PPP1R16B: variants seen among roughly 807,000 people sequenced by gnomAD.
PPP1R16B encodes the protein protein phosphatase 1 regulatory inhibitor subunit 16B.
Under a neutral mutation model 61.7 loss-of-function variants are expected in PPP1R16B, and 14 were observed. That is an observed-to-expected ratio of 0.23 (90% CI 0.15 to 0.35). The LOEUF (loss-of-function observed/expected upper bound fraction) is 0.35, where lower values mean the gene tolerates loss of function less well. PPP1R16B is among the 10% of genes least tolerant of loss of function. The probability of loss-of-function intolerance (pLI) is 1.00; values close to 1 mark genes in which losing one functional copy is unlikely to be tolerated. For synonymous variants in PPP1R16B, 266 were observed against 305.3 expected (o/e 0.87, Z 1.34); for missense variants, 547 against 752.5 (o/e 0.73, Z 3.19).
chr20:38,894,657 T>G (rs1289833838), intron 3 of PPP1R16B, among the ~76,000 whole-genome samples: 2 of 152,208 alleles, frequency 1.3e-5, no homozygotes, highest in Non-Finnish European at 2.9e-5. Context: ...CCTGCTGGCT[T>G]TCGCAGAGGT....
chr20:38,897,616 C>A (rs981798475), intron 4 of PPP1R16B, among the ~76,000 whole-genome samples: 1 of 152,188 alleles, frequency 6.6e-6, no homozygotes, highest in Non-Finnish European at 1.5e-5. Context: ...TGGTTATACA[C>A]CCAGAAGTGG....
chr20:38,906,141 C>T (rs2085439947), intron 7 of PPP1R16B, 47 bp downstream of exon 7: 2 of 1,570,058 alleles, frequency 1.3e-6, no homozygotes, highest in African/African-American at 1.4e-5. Context: ...ACAGGGCTAA[C>T]CTGCTGACAC....
chr20:38,891,300 C>A (rs1238667151), intron 3 of PPP1R16B, among the ~76,000 whole-genome samples: 1 of 152,164 alleles, frequency 6.6e-6, no homozygotes, highest in African/African-American at 2.4e-5. Context: ...GTTTCCTCAT[C>A]TCTAAAAGAG....
chr20:38,835,424 G>C (rs190208141), intron 1 of PPP1R16B, among the ~76,000 whole-genome samples: 192 of 152,268 alleles, frequency 1.3e-3, no homozygotes, highest in Non-Finnish European at 2.3e-3. Context: ...AAAATGGCAT[G>C]GTTCTTGTTA....
At chr20:38,869,181 G>C (rs1446313699) in intron 2 of PPP1R16B, among the ~76,000 whole-genome samples, 1 of 150,970 alleles carries the variant, frequency 6.6e-6, no homozygotes, top group Non-Finnish European at 1.5e-5. Context: ...TTATTTTTGA[G>C]ACAGTCTTGA....
intron 2 of PPP1R16B, 53 bp downstream of exon 2, chr20:38,836,228 G>A (rs1030196123): frequency 6.4e-7 from 1 of 1,566,428 alleles, no homozygotes; most frequent in Non-Finnish European, 8.6e-7. Context: ...CTCTGATCAG[G>A]GTTTGGAATC....
intron 2 of PPP1R16B, among the ~76,000 whole-genome samples, chr20:38,874,706 GGCTGC>G (rs1939006186): frequency 2.0e-5 from 3 of 152,142 alleles, no homozygotes; most frequent in Non-Finnish European, 4.4e-5. Context: ...GAAGGCTTTG[GGCTGC>G]ATGCAGATCC....
chr20:38,810,201 G>C (rs2084691481), intron 1 of PPP1R16B, among the ~76,000 whole-genome samples: 1 of 152,222 alleles, frequency 6.6e-6, no homozygotes, highest in African/African-American at 2.4e-5. Flanking sequence ...CATGTGCAGA[G>C]GCACCGAGGC....
rs1225071451 is a variant in PPP1R16B at position 38,904,282 on chromosome 20, A to G, written c.696+1490A>G. ...GTCATTGGGTCCTCTAGACACAGGG[A>G]TCTTCTCTACCTGGGCTGGGGCTGG... On this transcript the variant is annotated intron_variant, in intron 6 of 10. Transcript: ENST00000299824. 2.0e-5 allele frequency among the ~76,000 whole-genome samples: 3 copies of G among 152,142 alleles called. No homozygotes were observed. The East Asian group carries it at 5.8e-4, about 29-fold the overall frequency.
intron 2 of PPP1R16B, among the ~76,000 whole-genome samples, chr20:38,843,876 A>G (rs959704559): frequency 6.6e-6 from 1 of 152,156 alleles, no homozygotes; most frequent in African/African-American, 2.4e-5. Flanking sequence ...TCTGCCTTCA[A>G]TCTGTTGTGA....
intron 1 of PPP1R16B, among the ~76,000 whole-genome samples, chr20:38,813,012 T>C (rs945794861): frequency 6.6e-6 from 1 of 152,106 alleles, no homozygotes; most frequent in Non-Finnish European, 1.5e-5. Flanking sequence ...AACTGCACTT[T>C]GAGAAGCAAG....
At chr20:38,893,781 C>G (rs1223751295) in intron 3 of PPP1R16B, among the ~76,000 whole-genome samples, 1 of 152,174 alleles carries the variant, frequency 6.6e-6, no homozygotes, top group Non-Finnish European at 1.5e-5. Context: ...ATCTATCTCA[C>G]AAGACTCTGC....
At chr20:38,883,044 A>C (rs2085214143) in intron 2 of PPP1R16B, among the ~76,000 whole-genome samples, 1 of 152,096 alleles carries the variant, frequency 6.6e-6, no homozygotes, top group Non-Finnish European at 1.5e-5. Context: ...AGGCAGTGGG[A>C]GGATGAGGCC....
chr20:38,817,900 C>T (rs1368385275), intron 1 of PPP1R16B, among the ~76,000 whole-genome samples: 4 of 152,256 alleles, frequency 2.6e-5, no homozygotes, highest in South Asian at 2.1e-4. Flanking sequence ...AAAAATTAGC[C>T]GGGCGTGGTG....
chr20:38,859,497 A>G (rs1236537840), intron 2 of PPP1R16B, among the ~76,000 whole-genome samples: 1 of 152,144 alleles, frequency 6.6e-6, no homozygotes, highest in East Asian at 1.9e-4. Flanking sequence ...ATGTAACTGT[A>G]TTTATTTATT....
At chr20:38,867,676 CT>C (rs912334343) in intron 2 of PPP1R16B, among the ~76,000 whole-genome samples, 18 of 151,906 alleles carry the variant, frequency 1.2e-4, no homozygotes, top group African/African-American at 2.7e-4. Context: ...TTCTTTGATT[CT>C]TTTTTTTCCC....
intron 1 of PPP1R16B, among the ~76,000 whole-genome samples, chr20:38,832,552 A>G (rs575316110): frequency 3.3e-4 from 50 of 152,346 alleles, no homozygotes; most frequent in African/African-American, 1.0e-3. Flanking sequence ...GGGGAACTGG[A>G]TCACTCACAC....
chr20:38,827,352 C>G (rs2015901), intron 1 of PPP1R16B, among the ~76,000 whole-genome samples: 1 of 152,136 alleles, frequency 6.6e-6, no homozygotes, highest in South Asian at 2.1e-4. Context: ...CATGATTCTT[C>G]TCCTGGGAAA....
At chr20:38,844,946 T>C (rs1330026765) in intron 2 of PPP1R16B, among the ~76,000 whole-genome samples, 2 of 152,096 alleles carry the variant, frequency 1.3e-5, no homozygotes, top group African/African-American at 2.4e-5. Context: ...TACCCTGGGA[T>C]AGCAAAAGTT....
Sources: allele counts gnomAD v4.1 joint callset (sites outside exome capture counted in the v4.1 genomes callset), GRCh38; gene constraint gnomAD v4.1.1; transcripts MANE v1.5; gene names NCBI Gene and HGNC (gene_info 2026-07-23, HGNC 2026-07-21).